ADH7: variants seen among roughly 807,000 people sequenced by gnomAD.
ADH7 encodes alcohol dehydrogenase 7 (class IV), mu or sigma polypeptide.
Under a neutral mutation model 34.4 loss-of-function variants are expected in ADH7, and 41 were observed. That is an observed-to-expected ratio of 1.19 (90% CI 0.93 to 1.55). ADH7 has a LOEUF of 1.55. ADH7 is among the 40% of genes most tolerant of loss of function. The pLI is 0.00. For missense variants in ADH7, 540 were observed against 461.2 expected (o/e 1.17, Z -1.56); for synonymous variants, 180 against 160.9 (o/e 1.12, Z -0.90).
intron 5 of ADH7, among the ~76,000 whole-genome samples, chr4:99,425,779 C>T (rs945325354): frequency 2.2e-4 from 33 of 152,268 alleles, no homozygotes; most frequent in Admixed American, 2.6e-4. Context: ...CCACACCACA[C>T]CTATTCCAAA....
At chr4:99,419,777 A>G (rs1721606049) in intron 6 of ADH7, among the ~76,000 whole-genome samples, 1 of 152,222 alleles carries the variant, frequency 6.6e-6, no homozygotes, top group Non-Finnish European at 1.5e-5. Flanking sequence ...TTGATATGAA[A>G]TAAATCTAAG....
intron 1 of ADH7, 69 bp from the exon 2 acceptor site, chr4:99,429,702 TAAA>T: frequency 1.8e-6 from 2 of 1,085,916 alleles, no homozygotes; most frequent in Non-Finnish European, 2.7e-6. Flanking sequence ...CTGACTAGTA[TAAA>T]TATGAACAGA....
chr4:99,418,697 C>T (rs182870165), intron 7 of ADH7, among the ~76,000 whole-genome samples: 1 of 152,224 alleles, frequency 6.6e-6, no homozygotes, highest in Admixed American at 6.5e-5. Context: ...TAAATCGGAA[C>T]TTCCTGTTAC....
chr4:99,426,286 G>T (rs184088177), intron 5 of ADH7, among the ~76,000 whole-genome samples: 59 of 152,014 alleles, frequency 3.9e-4, no homozygotes, highest in Admixed American at 6.6e-4. Context: ...TGTTTTGAAA[G>T]GATCAACAAA....
At chr4:99,425,385 A>G (rs1721776045) in intron 5 of ADH7, among the ~76,000 whole-genome samples, 1 of 152,002 alleles carries the variant, frequency 6.6e-6, no homozygotes, top group Non-Finnish European at 1.5e-5. Context: ...CAAATGGAAA[A>G]CAAAAAAAGG....
At position 99,412,595 on chromosome 4, in the gene ADH7, G is replaced by A. The variant is rs1188698393; in HGVS notation, c.*553C>T. ...TATGTAATGATGATTCTTAATCGTT[G>A]AAAAATGTGCCCGTCCCTTAATCTT... is the stretch of plus-strand genomic sequence containing the variant. On this transcript the variant is annotated 3_prime_UTR_variant, in exon 9 of 9. Coordinates refer to ENST00000437033, the MANE Select transcript of ADH7 (RefSeq NM_000673.7). The A allele has an allele frequency of 6.6e-6, 1 of 151,972 alleles. No individual in the cohort carries two copies. The highest frequency in any genetic ancestry group is 1.5e-5 in the Non-Finnish European group (1 of 67,950). 9.4% of individuals were successfully genotyped at this position (151,972 alleles called of 1,614,324 possible).
intron 8 of ADH7, among the ~76,000 whole-genome samples, 179 bp from the exon 9 acceptor site, chr4:99,413,351 T>C (rs545719549): frequency 1.3e-5 from 2 of 152,194 alleles, no homozygotes; most frequent in Non-Finnish European, 2.9e-5. Flanking sequence ...CTGATAAGGG[T>C]ATCTGAGCTA....
At chr4:99,432,353 A>C (rs959524095) in intron 1 of ADH7, among the ~76,000 whole-genome samples, 2 of 152,054 alleles carry the variant, frequency 1.3e-5, no homozygotes, top group Admixed American at 6.6e-5. Context: ...TGAAAAAACC[A>C]CCAATTAGGT....
intron 8 of ADH7, among the ~76,000 whole-genome samples, chr4:99,414,630 T>C (rs1325352903): frequency 2.6e-5 from 4 of 152,226 alleles, no homozygotes; most frequent in Non-Finnish European, 1.5e-5. Flanking sequence ...GTTTGTTATA[T>C]GGTCAAAAGA....
chr4:99,422,831 C>T (rs1341335396), intron 5 of ADH7, among the ~76,000 whole-genome samples: 6 of 135,850 alleles, frequency 4.4e-5, no homozygotes, highest in South Asian at 4.7e-4. Context: ...TAAAATAGAC[C>T]TATTTTATTT....
intron 6 of ADH7, 42 bp downstream of exon 6, chr4:99,420,491 A>C (rs1435978477): frequency 5.7e-6 from 9 of 1,591,644 alleles, no homozygotes; most frequent in Non-Finnish European, 7.7e-6. Context: ...TGCATGTCTA[A>C]TAACTTGGGT....
At chr4:99,420,928 G>C in intron 5 of ADH7, 135 bp from the exon 6 acceptor site, 1 of 781,552 alleles carries the variant, frequency 1.3e-6, no homozygotes, top group Non-Finnish European at 2.0e-6. Flanking sequence ...AAAATATCTA[G>C]GAATACAACT....
rs542406320 is a variant in ADH7 at position 99,412,966 on chromosome 4, G to A, written c.*182C>T. Reference sequence around the variant, plus strand: ...ACATTGTTATTATACTAATTCCCAGGTGCTCACAAGACTTTAAATGTTTAT... The same window carrying A: ...ACATTGTTATTATACTAATTCCCAGATGCTCACAAGACTTTAAATGTTTAT... On this transcript the variant is annotated 3_prime_UTR_variant, in exon 9 of 9. Transcript: ENST00000437033. 2.5e-4 allele frequency: 123 copies of A among 482,626 alleles called. 1 individual carries two copies. The highest frequency in any genetic ancestry group is 2.1e-3 in the African/African-American group (107 of 49,806). 29.9% of individuals were successfully genotyped at this position (482,626 alleles called of 1,614,324 possible).
rs183376089 is a variant in ADH7, at chr4:99,416,692, G to A, written c.962-1076C>T. On this transcript the variant is annotated intron_variant, in intron 7 of 8. Transcript: ENST00000437033. The stretch of plus-strand genomic sequence containing the variant: ...GACCTCCTCTGGTCTTGTGGCTTTC[G>A]ATATACTCCTCTTAAAATACTTAGG... Among the ~76,000 whole-genome samples the A allele has an allele frequency of 4.4e-3, 674 of 151,994 alleles. 19 individuals carry two copies. Among genetic ancestry groups the A allele is most frequent in the East Asian group, 1.7e-3 (9 of 5,158 alleles).
intron 2 of ADH7, 60 bp downstream of exon 2, chr4:99,429,472 C>A: frequency 1.6e-6 from 2 of 1,226,098 alleles, no homozygotes; most frequent in Middle Eastern, 1.9e-4. Flanking sequence ...CACAACAGTG[C>A]TATATTCAAT....
At position 99,420,798 on chromosome 4, in the gene ADH7, G is replaced by T; in HGVS notation, c.565-5C>A. 1 of 1,613,482 alleles carries T rather than the reference G, an allele frequency of 6.2e-7. No individual in the cohort carries two copies. The highest frequency in any genetic ancestry group is 8.5e-7 in the Non-Finnish European group (1 of 1,179,702). ...GCAAGTGGAACCAGGTTTGACCTGT[G>T]GAGAGGAATGTTCTTGAACATGTTA... On this transcript the variant is annotated splice_region_variant and splice_polypyrimidine_tract_variant and intron_variant, in intron 5 of 8. Transcript: ENST00000437033.
intron 1 of ADH7, among the ~76,000 whole-genome samples, chr4:99,432,026 C>T (rs553676315): frequency 4.6e-5 from 7 of 152,110 alleles, no homozygotes; most frequent in East Asian, 1.9e-4. Context: ...CGTATGTTCA[C>T]GGAAGCACTA....
intron 7 of ADH7, among the ~76,000 whole-genome samples, 187 bp downstream of exon 7, chr4:99,418,799 C>T (rs1346298150): frequency 1.3e-5 from 2 of 152,102 alleles, no homozygotes; most frequent in Non-Finnish European, 2.9e-5. Context: ...AATGCGTCCA[C>T]CAATATTAGT....
In ADH7 at chr4:99,420,445, CT is replaced by C. The variant is rs1721620125; in HGVS notation, c.825+87del. The C allele has an allele frequency of 3.3e-5, 45 of 1,358,684 alleles. No individual in the cohort carries two copies. In the South Asian group the frequency reaches 5.9e-4, roughly 18 times the overall value. The allele number at this position is 1,358,684 out of a possible 1,614,324, so 84.2% of individuals were successfully genotyped here. A position where few individuals can be genotyped will look rare whatever the true frequency, so the allele number is the denominator to read the frequency against. On this transcript the variant is annotated intron_variant, in intron 6 of 8. Transcript: ENST00000437033. The stretch of plus-strand genomic sequence containing the variant: ...ATCGCAGAGATATTTCCATTATTGA[CT>C]ATTAATAAAGTTATAGACAATTAAA...
Sources: allele counts gnomAD v4.1 joint callset (sites outside exome capture counted in the v4.1 genomes callset), GRCh38; gene constraint gnomAD v4.1.1; transcripts MANE v1.5; gene names NCBI Gene and HGNC (gene_info 2026-07-23, HGNC 2026-07-21).